The following STK10 variants were observed in gnomAD, a reference collection of about 807,000 sequenced individuals.
STK10 encodes serine/threonine-protein kinase 10.
A neutral mutation model predicts 113.8 loss-of-function variants in STK10; 78 were observed. That is an observed-to-expected ratio of 0.69 (90% CI 0.57 to 0.83). The LOEUF is 0.83. Ranked by LOEUF, STK10 falls within the 40% of genes least tolerant of loss-of-function variation. STK10 has a pLI of 0.00. For synonymous variants in STK10, 465 were observed against 494.7 expected (o/e 0.94, Z 0.80); for missense variants, 1,109 against 1,280.1 (o/e 0.87, Z 2.04).
At chr5:172,178,597 T>A (rs1194010528) in intron 1 of STK10, among the ~76,000 whole-genome samples, 1 of 152,146 alleles carries the variant, frequency 6.6e-6, no homozygotes, top group Non-Finnish European at 1.5e-5. Flanking sequence ...CTCCCGCAGG[T>A]GTAGTCAGCC....
chr5:172,155,737 G>A (rs1264724248), intron 2 of STK10, among the ~76,000 whole-genome samples: 4 of 150,404 alleles, frequency 2.7e-5, no homozygotes, highest in African/African-American at 9.8e-5. Flanking sequence ...GCTAACACCA[G>A]TAATCCCAGC....
At chr5:172,098,993 C>T (rs1247859651) in intron 7 of STK10, among the ~76,000 whole-genome samples, 4 of 150,054 alleles carry the variant, frequency 2.7e-5, no homozygotes, top group African/African-American at 5.0e-5. Flanking sequence ...ACCATCACCA[C>T]CATCATTACC....
At chr5:172,107,383 G>A (rs908526960) in intron 5 of STK10, among the ~76,000 whole-genome samples, 3 of 152,112 alleles carry the variant, frequency 2.0e-5, no homozygotes, top group Non-Finnish European at 4.4e-5. Flanking sequence ...AGAAGTCCAG[G>A]GAGACTTCAC....
At chr5:172,168,826 G>A (rs889287095) in intron 1 of STK10, among the ~76,000 whole-genome samples, 7 of 151,998 alleles carry the variant, frequency 4.6e-5, no homozygotes, top group African/African-American at 9.7e-5. Context: ...GGGGTCTCCC[G>A]CCCAGCTGCT....
rs779077988 is a variant in STK10 at position 172,057,355 on chromosome 5, ATGCT to A, written c.2327_2330del (p.Lys776MetfsTer15). On this transcript the variant is annotated frameshift_variant, in exon 15 of 19. Coordinates refer to ENST00000176763, the MANE Select transcript of STK10 (RefSeq NM_005990.4). LOFTEE classifies it high-confidence loss of function. ...GTGCCACCGGCAGCCTCACCTTCTC[ATGCT>A]TGCGCAGCAGCTCGTGCCGCTGGAG... is the stretch of plus-strand genomic sequence containing the variant. 6.3e-7 allele frequency: 1 copy of A among 1,577,960 alleles called. No individual in the cohort carries two copies. Among genetic ancestry groups the A allele is most frequent in the Non-Finnish European group, 8.6e-7 (1 of 1,162,334 alleles).
At chr5:172,177,959 G>C (rs1770785762) in intron 1 of STK10, among the ~76,000 whole-genome samples, 1 of 152,170 alleles carries the variant, frequency 6.6e-6, no homozygotes, top group African/African-American at 2.4e-5. Flanking sequence ...CTCCCAAGTA[G>C]CTGGGACTAC....
chr5:172,048,245 T>C (rs1358681014), intron 18 of STK10, among the ~76,000 whole-genome samples: 1 of 152,122 alleles, frequency 6.6e-6, no homozygotes, highest in Non-Finnish European at 1.5e-5. Context: ...CCTCAATCAG[T>C]TGAAGGCCTT....
At chr5:172,135,573 T>C (rs1252532155) in intron 2 of STK10, among the ~76,000 whole-genome samples, 1 of 152,114 alleles carries the variant, frequency 6.6e-6, no homozygotes, top group African/African-American at 2.4e-5. Context: ...GGAACCTTCA[T>C]ACACTGATGG....
intron 14 of STK10, among the ~76,000 whole-genome samples, chr5:172,058,670 G>A (rs1214592942): frequency 6.6e-6 from 1 of 152,042 alleles, no homozygotes; most frequent in East Asian, 1.9e-4. Flanking sequence ...TGGGCAGATC[G>A]CTTGAGCCTA....
At chr5:172,159,960 A>AC (rs1428253602) in intron 1 of STK10, among the ~76,000 whole-genome samples, 4 of 151,392 alleles carry the variant, frequency 2.6e-5, no homozygotes, top group Non-Finnish European at 4.4e-5. Context: ...ACATGGTGAA[A>AC]CCCCATCTCT....
intron 2 of STK10, among the ~76,000 whole-genome samples, chr5:172,151,778 A>T (rs1341636375): frequency 6.6e-6 from 1 of 152,202 alleles, no homozygotes; most frequent in East Asian, 1.9e-4. Flanking sequence ...ATGAATCCCC[A>T]GCCCCCACCA....
At chr5:172,178,091 G>A (rs1287005677) in intron 1 of STK10, among the ~76,000 whole-genome samples, 1 of 152,222 alleles carries the variant, frequency 6.6e-6, no homozygotes, top group Non-Finnish European at 1.5e-5. Context: ...GCCTCCCAAA[G>A]TGCTGGGATT....
rs1364957537 is a variant in STK10 at position 172,187,631 on chromosome 5, C to A, written c.156+256G>T. On this transcript the variant is annotated intron_variant, in intron 1 of 18. Coordinates refer to ENST00000176763, the MANE Select transcript of STK10 (RefSeq NM_005990.4). This position sits in a 1 kb window ranked among gnomAD's most constrained non-coding sequence, Gnocchi z 4.6. ...GGCGCCGAGCGCAGTGCAGGACACA[C>A]AGGAAGTGCTCCGAAACAGGGCTAG... Among the ~76,000 whole-genome samples, 1 of 152,252 alleles carries A rather than the reference C, an allele frequency of 6.6e-6. No homozygotes were observed. The highest frequency in any genetic ancestry group is 2.4e-5 in the African/African-American group (1 of 41,478).
At chr5:172,148,486 G>A (rs1288087245) in intron 2 of STK10, among the ~76,000 whole-genome samples, 1 of 152,198 alleles carries the variant, frequency 6.6e-6, no homozygotes, top group African/African-American at 2.4e-5. Context: ...GACAGCCCAG[G>A]CCGGCTATTC....
At chr5:172,100,007 G>A (rs1292245823) in intron 7 of STK10, among the ~76,000 whole-genome samples, 3 of 152,170 alleles carry the variant, frequency 2.0e-5, no homozygotes, top group African/African-American at 7.2e-5. Context: ...GGGTGAGGAG[G>A]GCAGCTCTGC....
At chr5:172,183,041 T>C (rs1770891600) in intron 1 of STK10, among the ~76,000 whole-genome samples, 1 of 151,916 alleles carries the variant, frequency 6.6e-6, no homozygotes, top group Admixed American at 6.6e-5. Flanking sequence ...ACCCCATCTC[T>C]ACAAAAAATT....
intron 2 of STK10, among the ~76,000 whole-genome samples, chr5:172,137,000 G>A (rs140980901): frequency 7.7e-4 from 93 of 120,850 alleles, no homozygotes; most frequent in African/African-American, 2.8e-3. Flanking sequence ...AACAGGCCCC[G>A]GTGTGTGATG....
intron 1 of STK10, among the ~76,000 whole-genome samples, chr5:172,181,886 A>T (rs1345428813): frequency 6.6e-6 from 1 of 152,174 alleles, no homozygotes; most frequent in African/African-American, 2.4e-5. Context: ...CCACAACATC[A>T]AAAGTCTAGA....
chr5:172,115,181 G>A (rs1561813648), intron 4 of STK10: 1 of 152,532 alleles, frequency 6.6e-6, no homozygotes. Flanking sequence ...CCGTGCCAGA[G>A]ACTGAAGACA....
Sources: allele counts gnomAD v4.1 joint callset (sites outside exome capture counted in the v4.1 genomes callset), GRCh38; gene constraint gnomAD v4.1.1; non-coding constraint Gnocchi (gnomAD v3.1); transcripts MANE v1.5; gene names NCBI Gene and HGNC (gene_info 2026-07-23, HGNC 2026-07-21).